Variants in EXOC2 observed in about 807,000 individuals in gnomAD.
The protein encoded by EXOC2 is exocyst complex component 2.
EXOC2 carries 70 observed loss-of-function variants against 131.8 expected under a neutral mutation model. That is an observed-to-expected ratio of 0.53 (90% confidence interval 0.44 to 0.65). EXOC2 has a LOEUF of 0.65. Ranked by LOEUF, EXOC2 falls within the 30% of genes least tolerant of loss-of-function variation. The probability of loss-of-function intolerance (pLI) is 0.00; values close to 1 mark genes in which losing one functional copy is unlikely to be tolerated. For missense variants in EXOC2, 923 were observed against 1,108.6 expected (o/e 0.83, Z 2.38); for synonymous variants, 411 against 398.4 (o/e 1.03, Z -0.38).
At chr6:495,426 A>G (rs979199723) in intron 25 of EXOC2, among the ~76,000 whole-genome samples, 1 of 151,710 alleles carries the variant, frequency 6.6e-6, no homozygotes, top group Admixed American at 6.6e-5. Context: ...GCCCGGCCTG[A>G]ACATTCTTAT....
chr6:542,020 C>T (rs983683343), intron 22 of EXOC2, among the ~76,000 whole-genome samples: 3 of 152,172 alleles, frequency 2.0e-5, no homozygotes, highest in African/African-American at 7.2e-5. Context: ...GAAAAACACA[C>T]ACCATATAAT....
chr6:675,139 G>GTAAC (rs1764051776), intron 1 of EXOC2, among the ~76,000 whole-genome samples: 1 of 152,078 alleles, frequency 6.6e-6, no homozygotes, highest in Non-Finnish European at 1.5e-5. Context: ...GGAACTGTGA[G>GTAAC]TAACACAATT....
chr6:499,562 CA>C, intron 24 of EXOC2, 82 bp downstream of exon 24: 2 of 1,230,594 alleles, frequency 1.6e-6, no homozygotes, highest in Non-Finnish European at 2.4e-6. Flanking sequence ...AAAAGACCAC[CA>C]TAGAAATAAT....
chr6:506,338 T>A lies in EXOC2; in HGVS notation c.2381-6638A>T, dbSNP rs1264115499. On this transcript the variant is annotated intron_variant, in intron 23 of 27. Transcript: ENST00000230449. This position sits in a 1 kb window ranked among gnomAD's most constrained non-coding sequence, Gnocchi z 4.4. The stretch of plus-strand genomic sequence containing the variant: ...GGGAAACCTAAGTTTCAGTTTGTGC[T>A]CCAACAACAGTGGGCCATACAATGC... Among the ~76,000 whole-genome samples, 5 of 152,180 alleles carry A rather than the reference T, an allele frequency of 3.3e-5. No individual in the cohort carries two copies. The highest frequency in any genetic ancestry group is 1.2e-4 in the African/African-American group (5 of 41,438).
intron 15 of EXOC2, among the ~76,000 whole-genome samples, 187 bp from the exon 16 acceptor site, chr6:564,341 C>T (rs945500781): frequency 6.6e-6 from 1 of 152,032 alleles, no homozygotes; most frequent in African/African-American, 2.4e-5. Flanking sequence ...GGAGAAGATG[C>T]GTAAACTCAA....
At chr6:533,136 G>T (rs1440875032) in intron 22 of EXOC2, among the ~76,000 whole-genome samples, 1 of 152,100 alleles carries the variant, frequency 6.6e-6, no homozygotes, top group Non-Finnish European at 1.5e-5. Flanking sequence ...ACCTCCACCT[G>T]GTCTCTCCCT....
At chr6:528,746 T>C (rs1341936807) in intron 23 of EXOC2, among the ~76,000 whole-genome samples, 1 of 152,216 alleles carries the variant, frequency 6.6e-6, no homozygotes, top group African/African-American at 2.4e-5. Context: ...GTGAAGATTA[T>C]CTGAGGTTAC....
chr6:507,851 G>A (rs1372689822), intron 23 of EXOC2, among the ~76,000 whole-genome samples: 2 of 152,128 alleles, frequency 1.3e-5, no homozygotes, highest in East Asian at 1.9e-4. Context: ...AGAGAAGGTC[G>A]ACATTAAAGA....
At chr6:534,295 A>G (rs1766294847) in intron 22 of EXOC2, among the ~76,000 whole-genome samples, 1 of 152,208 alleles carries the variant, frequency 6.6e-6, no homozygotes, top group South Asian at 2.1e-4. Flanking sequence ...ATTTAACTGG[A>G]TCTAAAGAAA....
intron 11 of EXOC2, among the ~76,000 whole-genome samples, chr6:591,630 C>T (rs903637606): frequency 1.3e-5 from 2 of 152,108 alleles, no homozygotes; most frequent in African/African-American, 2.4e-5. Flanking sequence ...AAACAGCACA[C>T]AATATTCTAA....
intron 23 of EXOC2, among the ~76,000 whole-genome samples, chr6:516,069 T>A (rs552811392): frequency 6.6e-6 from 1 of 152,192 alleles, no homozygotes; most frequent in Admixed American, 6.5e-5. Flanking sequence ...TTTTCAGTTT[T>A]CCAGTTCAAA....
intron 1 of EXOC2, chr6:669,045 C>T (rs1561994386): frequency 6.6e-6 from 1 of 152,294 alleles, no homozygotes; most frequent in South Asian, 2.1e-4. Flanking sequence ...GAACCTCCAA[C>T]TGGTATGTTT....
chr6:494,692 C>G (rs1449857399), intron 25 of EXOC2, among the ~76,000 whole-genome samples: 1 of 152,126 alleles, frequency 6.6e-6, no homozygotes, highest in East Asian at 1.9e-4. Context: ...GAAAACTATA[C>G]AGTATACGTA....
At chr6:583,346 T>C (rs1759019781) in intron 11 of EXOC2, among the ~76,000 whole-genome samples, 1 of 152,170 alleles carries the variant, frequency 6.6e-6, no homozygotes, top group African/African-American at 2.4e-5. Context: ...TTCTTCCAGA[T>C]GCACAGTAAG....
At chr6:683,947 T>C (rs182621189) in intron 1 of EXOC2, among the ~76,000 whole-genome samples, 52 of 152,304 alleles carry the variant, frequency 3.4e-4, no homozygotes, top group Non-Finnish European at 8.8e-5. Flanking sequence ...CTGCGAAGGA[T>C]TGAAGCTGCT....
At chr6:539,887 A>C (rs1766704304) in intron 22 of EXOC2, among the ~76,000 whole-genome samples, 1 of 152,200 alleles carries the variant, frequency 6.6e-6, no homozygotes, top group Non-Finnish European at 1.5e-5. Context: ...CAGGTGGCAA[A>C]CTGACATTCC....
chr6:495,147 A>T (rs1200523679), intron 25 of EXOC2, among the ~76,000 whole-genome samples: 4 of 122,330 alleles, frequency 3.3e-5, no homozygotes, highest in African/African-American at 1.3e-4. Flanking sequence ...TTTTTTTGAG[A>T]CGGAGTCTCG....
rs555672811 is a variant in EXOC2 at position 560,926 on chromosome 6, TCGAACTC to T, written c.1851+1851_1851+1857del. On this transcript the variant is annotated intron_variant, in intron 17 of 27. Transcript: ENST00000230449. ...TTTCACCATGTTGGTCAGGCTGGTC[TCGAACTC>T]CTGACCTCAGGTGATCCGCCCGCCT... Among the ~76,000 whole-genome samples, 88 of 152,186 alleles carry T rather than the reference TCGAACTC, an allele frequency of 5.8e-4. 2 individuals are homozygous for T. Among genetic ancestry groups the T allele is most frequent in the African/African-American group, 1.9e-3 (79 of 41,526 alleles).
At chr6:499,497 C>G in intron 24 of EXOC2, 148 bp downstream of exon 24, 1 of 510,626 alleles carries the variant, frequency 2.0e-6, no homozygotes, top group Non-Finnish European at 3.5e-6. Flanking sequence ...ACAGACAGTG[C>G]GAGCAAGAGC....
Sources: gnomAD v4.1 joint callset for allele counts (sites outside exome capture counted in the v4.1 genomes callset) on GRCh38, gnomAD v4.1.1 for gene constraint, Gnocchi (gnomAD v3.1) non-coding constraint, MANE v1.5 for transcripts, NCBI Gene and HGNC (gene_info 2026-07-23, HGNC 2026-07-21) for gene names.